PTPRG: variants seen among roughly 807,000 people sequenced by gnomAD.
PTPRG encodes protein tyrosine phosphatase receptor type G, also known as receptor-type tyrosine-protein phosphatase gamma.
In PTPRG, 102 loss-of-function variants were observed where a neutral mutation model predicts 165.3. That is an observed-to-expected ratio of 0.62 (90% CI 0.53 to 0.73). The LOEUF is 0.73. Ranked by LOEUF, PTPRG falls within the 30% of genes least tolerant of loss-of-function variation. The pLI is 0.00. For synonymous variants in PTPRG, 675 were observed against 669.5 expected (o/e 1.01, Z -0.13); for missense variants, 1,866 against 1,861.4 (o/e 1.00, Z -0.05).
chr3:62,063,709 C>T (rs1700900780), intron 4 of PTPRG, among the ~76,000 whole-genome samples: 1 of 152,020 alleles, frequency 6.6e-6, no homozygotes, highest in Non-Finnish European at 1.5e-5. Flanking sequence ...CGCTATGTTG[C>T]CCAGGCTAGT....
At chr3:61,567,214 T>C (rs1286146225) in intron 1 of PTPRG, among the ~76,000 whole-genome samples, 2 of 152,122 alleles carry the variant, frequency 1.3e-5, no homozygotes, top group Non-Finnish European at 2.9e-5. Context: ...CTCCCCACCT[T>C]TAATTTTCCA....
chr3:62,155,004 G>A (rs370813364), intron 6 of PTPRG, among the ~76,000 whole-genome samples: 8 of 152,178 alleles, frequency 5.3e-5, no homozygotes, highest in African/African-American at 1.4e-4. Flanking sequence ...ACCAGTCCCC[G>A]CCAAGCATGC....
Position 61,695,231 on chromosome 3 carries a change from G to A in PTPRG, c.86-53647G>A, listed in dbSNP as rs147675357. On this transcript the variant is annotated intron_variant, in intron 1 of 29. Coordinates refer to ENST00000474889, the MANE Select transcript of PTPRG (RefSeq NM_002841.4). The stretch of plus-strand genomic sequence containing the variant: ...TCACCATGTTGCCAAGGCTGGTCTC[G>A]AACTCCCGACCTCGGGTGATCCACC... 6.4e-3 allele frequency among the ~76,000 whole-genome samples: 982 copies of A among 152,252 alleles called. 15 individuals carry two copies. The highest frequency in any genetic ancestry group is 0.026 in the South Asian group (126 of 4,828).
chr3:62,181,003 A>ATG (rs1705624310), intron 8 of PTPRG, among the ~76,000 whole-genome samples: 1 of 152,206 alleles, frequency 6.6e-6, no homozygotes, highest in African/African-American at 2.4e-5. Flanking sequence ...GCTTTCTTCC[A>ATG]TGGTAATTGC....
At chr3:61,992,167 T>C (rs2040909359) in intron 3 of PTPRG, among the ~76,000 whole-genome samples, 1 of 152,202 alleles carries the variant, frequency 6.6e-6, no homozygotes, top group Admixed American at 6.5e-5. Context: ...TTGTAAATAC[T>C]CTAAGATGAT....
chr3:61,738,990 T>TTG (rs2032878098), intron 1 of PTPRG: 4 of 22,372 alleles, frequency 1.8e-4, no homozygotes, highest in Admixed American at 5.7e-4. Context: ...TTTTTTTTTT[T>TTG]GTTTTTTTTT....
At chr3:62,260,702 C>T (rs1280341283) in intron 16 of PTPRG, among the ~76,000 whole-genome samples, 1 of 152,086 alleles carries the variant, frequency 6.6e-6, no homozygotes, top group Non-Finnish European at 1.5e-5. Flanking sequence ...CACTAAAATC[C>T]TGTTAACTTT....
rs2039835936 is a variant in PTPRG at position 61,949,133 on chromosome 3, C to T, written c.191-40492C>T. Among the ~76,000 whole-genome samples, 5 of 150,828 alleles carry T rather than the reference C, an allele frequency of 3.3e-5. No individual in the cohort carries two copies. The South Asian group carries it at 1.0e-3, about 32-fold the overall frequency. On this transcript the variant is annotated intron_variant, in intron 2 of 29. Coordinates refer to ENST00000474889, the MANE Select transcript of PTPRG (RefSeq NM_002841.4). ...CTTGCCAACGGCCTGGTTTTCGTCA[C>T]CAAGGGATTAGTAGAGTATGACCTG...
chr3:62,161,972 A>G lies in PTPRG; in HGVS notation c.840+4748A>G, dbSNP rs181949216. ...TCCTTGGGTTCCTTGCTGTGCTAAT[A>G]ATGGACCGTGGTTTTGTTTAATTGC... On this transcript the variant is annotated intron_variant, in intron 7 of 29. Transcript: ENST00000474889. Among the ~76,000 whole-genome samples the G allele has an allele frequency of 8.7e-4, 132 of 152,264 alleles. 1 individual carries two copies. The highest frequency in any genetic ancestry group is 3.4e-3 in the Middle Eastern group (1 of 294).
chr3:62,150,400 A>C (rs1206193235), intron 6 of PTPRG, among the ~76,000 whole-genome samples: 1 of 152,242 alleles, frequency 6.6e-6, no homozygotes, highest in Non-Finnish European at 1.5e-5. Flanking sequence ...TCCTGAGACC[A>C]GCAGCATCCA....
At position 61,567,002 on chromosome 3, in the gene PTPRG, G is replaced by A. The variant is rs755273530; in HGVS notation, c.85+4630G>A. Among the ~76,000 whole-genome samples the A allele has an allele frequency of 2.0e-5, 3 of 152,272 alleles. No individual in the cohort carries two copies. The East Asian group carries it at 5.8e-4, about 29-fold the overall frequency. On this transcript the variant is annotated intron_variant, in intron 1 of 29. Coordinates refer to ENST00000474889, the MANE Select transcript of PTPRG (RefSeq NM_002841.4). ...TTCATGTGGTCACATTCCATAACCC[G>A]GAGCTTATGGGAAAAATTTAGGGCA...
At chr3:62,107,378 T>C (rs930223393) in intron 5 of PTPRG, among the ~76,000 whole-genome samples, 5 of 152,264 alleles carry the variant, frequency 3.3e-5, no homozygotes, top group Non-Finnish European at 7.3e-5. Context: ...TGCATTGATA[T>C]GCCTACAGCA....
At chr3:62,075,002 T>C (rs1356305906) in intron 4 of PTPRG, among the ~76,000 whole-genome samples, 9 of 152,196 alleles carry the variant, frequency 5.9e-5, no homozygotes, top group Non-Finnish European at 1.0e-4. Flanking sequence ...ACTTCAAATA[T>C]TACCGTAATT....
chr3:61,586,113 G>A (rs527462183), intron 1 of PTPRG, among the ~76,000 whole-genome samples: 7 of 152,202 alleles, frequency 4.6e-5, no homozygotes, highest in African/African-American at 1.4e-4. Flanking sequence ...GCCTTGTTTT[G>A]CTAGTATGGA....
intron 2 of PTPRG, among the ~76,000 whole-genome samples, chr3:61,926,938 C>G (rs1450729065): frequency 6.6e-6 from 1 of 151,960 alleles, no homozygotes; most frequent in Non-Finnish European, 1.5e-5. Context: ...AAAATCTGTA[C>G]ATGTTGTCCT....
rs560693645 is a variant in PTPRG at position 62,090,937 on chromosome 3, C to T, written c.615+12679C>T. ...TATTCAATCCCATGCCACTTCAATC[C>T]CTTTGTCCATAAAATGGAAATACCA... On this transcript the variant is annotated intron_variant, in intron 5 of 29. Coordinates refer to ENST00000474889, the MANE Select transcript of PTPRG (RefSeq NM_002841.4). Among the ~76,000 whole-genome samples the T allele has an allele frequency of 2.3e-3, 344 of 152,246 alleles. 1 individual carries two copies. Among genetic ancestry groups the T allele is most frequent in the African/African-American group, 7.9e-3 (330 of 41,546 alleles).
At chr3:61,647,601 T>G (rs1026235773) in intron 1 of PTPRG, among the ~76,000 whole-genome samples, 2 of 152,064 alleles carry the variant, frequency 1.3e-5, no homozygotes, top group South Asian at 4.2e-4. Flanking sequence ...CCATCCTGGC[T>G]AACACAGTGA....
At chr3:61,599,664 T>TC (rs2106842638) in intron 1 of PTPRG, among the ~76,000 whole-genome samples, 1 of 151,812 alleles carries the variant, frequency 6.6e-6, no homozygotes, top group South Asian at 2.1e-4. Flanking sequence ...CCCTAATTTT[T>TC]TTTTTTTGTA....
At chr3:62,081,519 T>C (rs1318066838) in intron 5 of PTPRG, among the ~76,000 whole-genome samples, 2 of 151,646 alleles carry the variant, frequency 1.3e-5, no homozygotes, top group East Asian at 3.9e-4. Context: ...AATTTTCTTA[T>C]TTTTTTGTAG....
Sources: gnomAD v4.1 joint callset for allele counts (sites outside exome capture counted in the v4.1 genomes callset) on GRCh38, gnomAD v4.1.1 for gene constraint, MANE v1.5 for transcripts, NCBI Gene and HGNC (gene_info 2026-07-23, HGNC 2026-07-21) for gene names.